ACVR1B: variants seen among roughly 807,000 people sequenced by gnomAD.
ACVR1B encodes activin A receptor type 1B, also known as activin receptor type-1B.
A neutral mutation model predicts 55.6 loss-of-function variants in ACVR1B; 15 were observed. The ratio of observed to expected loss-of-function variants is 0.27; its 90% CI spans 0.18 to 0.42. The LOEUF is 0.42. Ranked by LOEUF, ACVR1B falls within the 10% of genes least tolerant of loss-of-function variation. ACVR1B has a pLI of 1.00. For synonymous variants in ACVR1B, 247 were observed against 254.6 expected, an observed-to-expected ratio of 0.97 and a Z score of 0.28; for missense variants, 359 against 670.1, an observed-to-expected ratio of 0.54 and a Z score of 5.13.
Position 51,951,716 on chromosome 12 carries a change from G to GGCGGCT in ACVR1B, c.-23_-22insTGCGGC. ...CGCGCGCTGGGCGCTGCTGGGCTGC[G>GGCGGCT]GCGGCGGCGGCGGCGGCGGTGGTTA... On this transcript the variant is annotated 5_prime_UTR_variant, in exon 1 of 9. Coordinates refer to ENST00000257963, the MANE Select transcript of ACVR1B (RefSeq NM_004302.5). 5.8e-4 allele frequency: 8 copies of GGCGGCT among 13,780 alleles called. No homozygotes were observed. Among genetic ancestry groups the GGCGGCT allele is most frequent in the South Asian group, 2.6e-3 (1 of 378 alleles). The allele number at this position is 13,780 out of a possible 1,614,324, so 0.9% of individuals were successfully genotyped here.
intron 3 of ACVR1B, among the ~76,000 whole-genome samples, chr12:51,978,812 A>G (rs2120638935): frequency 6.9e-6 from 1 of 145,582 alleles, no homozygotes; most frequent in South Asian, 2.2e-4. Context: ...CCTGGGCAAC[A>G]GAGCGAGACT....
chr12:51,987,025 T>A, intron 7 of ACVR1B, 83 bp downstream of exon 7: 1 of 1,587,290 alleles, frequency 6.3e-7, no homozygotes, highest in Non-Finnish European at 8.7e-7. Flanking sequence ...CCCCTTTCTT[T>A]TTACAACCTG....
At chr12:51,990,851 T>A (rs1034037155) in intron 7 of ACVR1B, among the ~76,000 whole-genome samples, 4 of 152,220 alleles carry the variant, frequency 2.6e-5, no homozygotes, top group African/African-American at 9.6e-5. Flanking sequence ...TGCAGATTGC[T>A]TAGGTAGAGT....
intron 7 of ACVR1B, chr12:51,987,369 A>G (rs1942100691): frequency 2.1e-6 from 1 of 467,574 alleles, no homozygotes; most frequent in Admixed American, 3.8e-5. Flanking sequence ...CTAATTTCTA[A>G]ATTTATAAAA....
chr12:51,970,663 T>G (rs1941728772), intron 1 of ACVR1B, among the ~76,000 whole-genome samples: 1 of 152,174 alleles, frequency 6.6e-6, no homozygotes, highest in Non-Finnish European at 1.5e-5. Flanking sequence ...TATTAGGCTA[T>G]TCTTATCACT....
chr12:51,959,826 A>G (rs1438221652), intron 1 of ACVR1B, among the ~76,000 whole-genome samples: 1 of 151,626 alleles, frequency 6.6e-6, no homozygotes, highest in African/African-American at 2.4e-5. Context: ...AGTGGAGGGG[A>G]GAGGGGATTG....
At chr12:51,961,224 G>T (rs1040811947) in intron 1 of ACVR1B, among the ~76,000 whole-genome samples, 3 of 152,176 alleles carry the variant, frequency 2.0e-5, no homozygotes, top group Non-Finnish European at 4.4e-5. Flanking sequence ...TTGGTGCGGG[G>T]AGCTGGCTTA....
intron 1 of ACVR1B, among the ~76,000 whole-genome samples, chr12:51,962,366 T>A (rs1186284605): frequency 6.6e-6 from 1 of 152,176 alleles, no homozygotes; most frequent in African/African-American, 2.4e-5. Context: ...CATTTGTTGT[T>A]GTTGTTGTTG....
chr12:51,965,031 G>A (rs563340684), intron 1 of ACVR1B, among the ~76,000 whole-genome samples: 8 of 152,014 alleles, frequency 5.3e-5, no homozygotes, highest in Non-Finnish European at 8.8e-5. Context: ...GATAGGGATT[G>A]TATTGACTCT....
intron 7 of ACVR1B, among the ~76,000 whole-genome samples, chr12:51,990,151 G>A (rs921529185): frequency 1.3e-5 from 2 of 151,448 alleles, no homozygotes; most frequent in Non-Finnish European, 1.5e-5. Flanking sequence ...AAAATTAGCC[G>A]GGCATGGTGG....
intron 3 of ACVR1B, among the ~76,000 whole-genome samples, chr12:51,978,078 G>C (rs776839375): frequency 3.9e-5 from 6 of 151,984 alleles, no homozygotes; most frequent in Non-Finnish European, 8.8e-5. Context: ...CTGAATTTCA[G>C]TGGCTTTGCT....
chr12:51,994,017 G>A lies in ACVR1B; in HGVS notation c.1425G>A (p.Glu475=), dbSNP rs1480837028. ...ALRVMGKMMR[E]CWYANGAARL... is the part of the protein sequence containing the mutation. ...GGGTGATGGGGAAGATGATGCGAGA[G>A]TGTTGGTATGCCAACGGCGCAGCCC... Residue 475 remains glutamate, a synonymous_variant, in exon 9 of 9, where the codon GAG becomes GAA. Transcript: ENST00000257963. This position sits in a 1 kb window ranked among gnomAD's most constrained non-coding sequence, Gnocchi z 4.2. 5.0e-6 allele frequency: 8 copies of A among 1,614,016 alleles called. No homozygotes were observed. Among genetic ancestry groups the A allele is most frequent in the African/African-American group, 4.0e-5 (3 of 74,940 alleles).
chr12:51,952,134 G>A (rs1020567602), intron 1 of ACVR1B, among the ~76,000 whole-genome samples: 2 of 152,066 alleles, frequency 1.3e-5, no homozygotes, highest in African/African-American at 4.8e-5. Context: ...CCAGAGAGGG[G>A]AGTCTGAGCC....
Position 51,981,001 on chromosome 12 carries a change from C to A in ACVR1B, c.613C>A (p.Arg205=). 1 of 1,613,560 alleles carries A rather than the reference C, an allele frequency of 6.2e-7. No homozygotes were observed. The highest frequency in any genetic ancestry group is 1.3e-5 in the African/African-American group (1 of 75,024). Residue 205 remains arginine, a synonymous_variant, in exon 4 of 9, where the codon CGA becomes AGA. Transcript: ENST00000257963. Reference sequence around the variant, plus strand: ...CCTCTTTGTCCAGCGCACAGTGGCCCGAACCATCGTTTTACAAGAGATTAT... The same window carrying A: ...CCTCTTTGTCCAGCGCACAGTGGCCAGAACCATCGTTTTACAAGAGATTAT... ...LPLFVQRTVA[R]TIVLQEIIGK...
chr12:51,957,856 G>C (rs1318815687), intron 1 of ACVR1B, among the ~76,000 whole-genome samples: 1 of 152,148 alleles, frequency 6.6e-6, no homozygotes, highest in Non-Finnish European at 1.5e-5. Flanking sequence ...CTTGCACTTA[G>C]GAACTCTAGA....
intron 3 of ACVR1B, among the ~76,000 whole-genome samples, chr12:51,979,568 A>T (rs374597529): frequency 2.6e-5 from 4 of 152,164 alleles, no homozygotes; most frequent in African/African-American, 9.7e-5. Context: ...CTTGAGTAAA[A>T]AGACAAAGGC....
intron 7 of ACVR1B, among the ~76,000 whole-genome samples, chr12:51,988,161 C>T (rs529969424): frequency 6.6e-6 from 1 of 152,248 alleles, no homozygotes; most frequent in South Asian, 2.1e-4. Flanking sequence ...AAATTTTGAT[C>T]AGTATATGCA....
Position 51,954,278 on chromosome 12 carries a change from G to A in ACVR1B, c.91+2444G>A, listed in dbSNP as rs574207917. On this transcript the variant is annotated intron_variant, in intron 1 of 8. Coordinates refer to ENST00000257963, the MANE Select transcript of ACVR1B (RefSeq NM_004302.5). Reference sequence around the variant, plus strand: ...AAAAGGCCAGTGATAAGGAGAATGAGTTTCAGTTAGAAATAGCATCCGTTT... The same window carrying A: ...AAAAGGCCAGTGATAAGGAGAATGAATTTCAGTTAGAAATAGCATCCGTTT... Among the ~76,000 whole-genome samples the A allele has an allele frequency of 7.8e-4, 119 of 152,288 alleles. 1 individual carries two copies. The highest frequency in any genetic ancestry group is 1.3e-3 in the Non-Finnish European group (88 of 68,030).
intron 1 of ACVR1B, among the ~76,000 whole-genome samples, chr12:51,969,001 C>T (rs1044592390): frequency 2.6e-5 from 4 of 152,092 alleles, no homozygotes; most frequent in African/African-American, 7.2e-5. Context: ...TGGAGAGGAC[C>T]GCATCAAGAA....
Sources: allele counts gnomAD v4.1 joint callset (sites outside exome capture counted in the v4.1 genomes callset), GRCh38; gene constraint gnomAD v4.1.1; non-coding constraint Gnocchi (gnomAD v3.1); transcripts MANE v1.5; gene names NCBI Gene and HGNC (gene_info 2026-07-23, HGNC 2026-07-21).